Variants in TTC21B observed in about 807,000 individuals in gnomAD.
TTC21B encodes tetratricopeptide repeat protein 21B.
In TTC21B, 127 loss-of-function variants were observed where a neutral mutation model predicts 175.1. That is an observed-to-expected ratio of 0.73 (90% CI 0.63 to 0.84). The LOEUF (loss-of-function observed/expected upper bound fraction) is 0.84, where lower values mean the gene tolerates loss of function less well. TTC21B is among the 40% of genes least tolerant of loss of function. The probability of loss-of-function intolerance (pLI) is 0.00; values close to 1 mark genes in which losing one functional copy is unlikely to be tolerated. For synonymous variants in TTC21B, 524 were observed against 524.5 expected, an observed-to-expected ratio of 1.00 and a Z score of 0.01; for missense variants, 1,561 against 1,558.3, an observed-to-expected ratio of 1.00 and a Z score of -0.03.
intron 17 of TTC21B, among the ~76,000 whole-genome samples, chr2:165,912,001 C>T (rs971801864): frequency 2.6e-5 from 4 of 152,060 alleles, no homozygotes; most frequent in South Asian, 2.1e-4. Context: ...AGATAAAGAA[C>T]GGTACTTGGC....
Position 165,911,353 on chromosome 2 carries a change from A to G in TTC21B, c.2435T>C (p.Leu812Pro). 1 of 1,613,932 alleles carries G rather than the reference A, an allele frequency of 6.2e-7. No homozygotes were observed. The stretch of plus-strand genomic sequence containing the variant: ...AGGTTCATGAGCCAGAGCATGCTGA[A>G]GAACTTTTTCTGCTTTGTCATACCA... ...LKWYDKAEKV[L>P]QHALAHEPVN... Residue 812 changes from leucine to proline, a missense_variant, in exon 18 of 29, where the codon CTT becomes CCT. Coordinates refer to ENST00000243344, the MANE Select transcript of TTC21B (RefSeq NM_024753.5).
At chr2:165,905,988 C>A (rs1203707255) in intron 19 of TTC21B, among the ~76,000 whole-genome samples, 4 of 152,202 alleles carry the variant, frequency 2.6e-5, no homozygotes, top group Middle Eastern at 3.4e-3. Flanking sequence ...CAAAGTATGT[C>A]TTGGCACAGC....
chr2:165,886,722 TA>T (rs1685009241), intron 25 of TTC21B, among the ~76,000 whole-genome samples: 1 of 152,216 alleles, frequency 6.6e-6, no homozygotes, highest in Admixed American at 6.5e-5. Context: ...TTTTCTCTCT[TA>T]AACTTCACAG....
At position 165,918,574 on chromosome 2, in the gene TTC21B, C is replaced by T. The variant is rs561121419; in HGVS notation, c.1674+702G>A. ...CCTCCCAAAGTGCTGGGATTACAGG[C>T]GTGAGCCACCACGCCCGGCCTTCTG... is the stretch of plus-strand genomic sequence containing the variant. On this transcript the variant is annotated intron_variant, in intron 13 of 28. Transcript: ENST00000243344. 5.9e-5 allele frequency among the ~76,000 whole-genome samples: 9 copies of T among 152,214 alleles called. No individual in the cohort carries two copies. The East Asian group carries it at 9.7e-4, about 16-fold the overall frequency.
At chr2:165,875,481 T>C (rs1370135182) in intron 28 of TTC21B, among the ~76,000 whole-genome samples, 4 of 152,154 alleles carry the variant, frequency 2.6e-5, no homozygotes, top group Non-Finnish European at 5.9e-5. Flanking sequence ...TGGAGGTCCT[T>C]ACAATGTTTA....
At chr2:165,926,759 G>A (rs1040909155) in intron 11 of TTC21B, among the ~76,000 whole-genome samples, 1 of 151,600 alleles carries the variant, frequency 6.6e-6, no homozygotes, top group Non-Finnish European at 1.5e-5. Flanking sequence ...ATAAAGCAGG[G>A]AGAAAAATGT....
chr2:165,911,709 C>G (rs1339500321), intron 17 of TTC21B, among the ~76,000 whole-genome samples: 1 of 151,496 alleles, frequency 6.6e-6, no homozygotes, highest in African/African-American at 2.4e-5. Flanking sequence ...ATCACCCAGG[C>G]TGGAGTGCAG....
rs1686040312 is a variant in TTC21B at position 165,913,659 on chromosome 2, C to T, written c.2139-13G>A. On this transcript the variant is annotated splice_polypyrimidine_tract_variant and intron_variant, in intron 15 of 28. Coordinates refer to ENST00000243344, the MANE Select transcript of TTC21B (RefSeq NM_024753.5). ...TTCAGCAATTTCTCTGGAAATCAGA[C>T]CAACATTACTTAGCATATTGAACAC... The T allele has an allele frequency of 1.9e-6, 3 of 1,602,826 alleles. No homozygotes were observed. The highest frequency in any genetic ancestry group is 1.7e-5 in the Admixed American group (1 of 59,960).
chr2:165,874,529 T>C lies in TTC21B; in HGVS notation c.*226A>G, dbSNP rs1037532837. The C allele has an allele frequency of 8.0e-6, 4 of 498,828 alleles. No individual in the cohort carries two copies. Among genetic ancestry groups the C allele is most frequent in the African/African-American group, 1.9e-5 (1 of 51,860 alleles). The allele number at this position is 498,828 out of a possible 1,614,324, so 30.9% of individuals were successfully genotyped here. ...CTTTACCACAGAGTCACCAAATCTG[T>C]ACCCAATCAAAACAGAGTCAAATAG... On this transcript the variant is annotated 3_prime_UTR_variant, in exon 29 of 29. Coordinates refer to ENST00000243344, the MANE Select transcript of TTC21B (RefSeq NM_024753.5).
rs368598012 is a variant in TTC21B, at chr2:165,905,460, T to C, written c.2568+2218A>G. ...ATTGAAAGTAAAAGAATGCAGGAGA[T>C]ATACCATGCAAGTACTAAAAGGAAA... is the stretch of plus-strand genomic sequence containing the variant. On this transcript the variant is annotated intron_variant, in intron 19 of 28. Transcript: ENST00000243344. 4.6e-5 allele frequency among the ~76,000 whole-genome samples: 7 copies of C among 152,102 alleles called. No homozygotes were observed. In the South Asian group the frequency reaches 6.2e-4, roughly 14 times the overall value.
rs1182410208 is a variant in TTC21B, at chr2:165,906,973, A to G, written c.2568+705T>C. ...TCCGTCTCAAAAAAAAAAAAAAAAA[A>G]AAAAGAAAAAAAGAATTAGCATCAA... is the stretch of plus-strand genomic sequence containing the variant. On this transcript the variant is annotated intron_variant, in intron 19 of 28. Transcript: ENST00000243344. Among the ~76,000 whole-genome samples, 26 of 151,040 alleles carry G rather than the reference A, an allele frequency of 1.7e-4. No individual in the cohort carries two copies. In the South Asian group the frequency reaches 2.5e-3, roughly 15 times the overall value.
intron 22 of TTC21B, among the ~76,000 whole-genome samples, chr2:165,897,451 C>T (rs1399533701): frequency 6.6e-6 from 1 of 152,040 alleles, no homozygotes; most frequent in Admixed American, 6.6e-5. Flanking sequence ...GAGGTCTGGG[C>T]CGGCACAACA....
chr2:165,917,256 C>G lies in TTC21B; in HGVS notation c.1899+1G>C. 6.2e-7 allele frequency: 1 copy of G among 1,613,604 alleles called. No homozygotes were observed. Among genetic ancestry groups the G allele is most frequent in the South Asian group, 1.1e-5 (1 of 91,062 alleles). ...AGCCCTTAAATTAAAACTTGACCTA[C>G]CTGCTCTCCATTTAAGCGGTGAACG... On this transcript the variant is annotated splice_donor_variant, in intron 14 of 28. Transcript: ENST00000243344. LOFTEE classifies it high-confidence loss of function.
At position 165,949,366 on chromosome 2, in the gene TTC21B, T is replaced by A. The variant is rs778751496; in HGVS notation, c.262+28A>T. The A allele has an allele frequency of 3.3e-6, 5 of 1,499,926 alleles. No homozygotes were observed. The East Asian group carries it at 1.1e-4, about 34-fold the overall frequency. 92.9% of individuals were successfully genotyped at this position (1,499,926 alleles called of 1,614,324 possible). A position where few individuals can be genotyped will look rare whatever the true frequency, so the allele number is the denominator to read the frequency against. On this transcript the variant is annotated intron_variant, in intron 3 of 28. Transcript: ENST00000243344. Reference sequence around the variant, plus strand: ...AAAATAAACTGAATAGGAAAAAATGTCCTAAGCATTGCATTTAAATATCAT... The same window carrying A: ...AAAATAAACTGAATAGGAAAAAATGACCTAAGCATTGCATTTAAATATCAT...
At chr2:165,915,486 A>T (rs769784346) in intron 14 of TTC21B, 47 bp from the exon 15 acceptor site, 15 of 1,371,886 alleles carry the variant, frequency 1.1e-5, no homozygotes, top group Middle Eastern at 1.8e-4. Flanking sequence ...ATAGTGAACA[A>T]ATAACACTAG....
intron 28 of TTC21B, 54 bp from the exon 29 acceptor site, chr2:165,874,886 C>T (rs936661934): frequency 1.7e-5 from 25 of 1,485,938 alleles, no homozygotes; most frequent in African/African-American, 6.9e-5. Context: ...TCAAAAACTA[C>T]GGAGTTACAA....
At position 165,898,702 on chromosome 2, in the gene TTC21B, A is replaced by C. The variant is rs1685453144; in HGVS notation, c.2934T>G (p.Leu978=). 2 of 1,611,630 alleles carry C rather than the reference A, an allele frequency of 1.2e-6. No individual in the cohort carries two copies. Among genetic ancestry groups the C allele is most frequent in the East Asian group, 4.5e-5 (2 of 44,846 alleles). Residue 978 remains leucine (L), a synonymous_variant, in exon 22 of 29, where the codon CTT becomes CTG. Coordinates refer to ENST00000243344, the MANE Select transcript of TTC21B (RefSeq NM_024753.5). The part of the protein sequence containing the change: ...YEQAVFHLQQ[L]LERKPDNYMT... ...GGTATTTACCTGGCTTACGTTCTAA[A>C]AGCTGCTGTAAATGAAACACTGCTT...
intron 1 of TTC21B, among the ~76,000 whole-genome samples, chr2:165,952,113 T>C (rs1242456400): frequency 2.6e-5 from 4 of 152,116 alleles, no homozygotes; most frequent in Admixed American, 2.6e-4. Flanking sequence ...GCAGTGGTGA[T>C]GAAGATGACT....
At position 165,901,736 on chromosome 2, in the gene TTC21B, C is replaced by T. The variant is rs748527082; in HGVS notation, c.2743G>A (p.Glu915Lys). ...KFYREALVHC[E>K]TDNKIMLELA... ...AAGGTACTGACCTTATTATCTGTTT[C>T]GCAGTGAACCAGAGCCTCTCTATAA... The change falls in exon 20 of 29, where the codon GAA (glutamate) becomes AAA (lysine). Residue 915 changes from glutamate to lysine, a missense_variant. Physicochemically the swap from Glu to Lys is moderately conservative, Grantham distance 56. Coordinates refer to ENST00000243344, the MANE Select transcript of TTC21B (RefSeq NM_024753.5). 1.4e-5 allele frequency: 23 copies of T among 1,613,834 alleles called. No individual in the cohort carries two copies. The highest frequency in any genetic ancestry group is 1.6e-4 in the Middle Eastern group (1 of 6,084).
Sources: gnomAD v4.1 joint callset for allele counts (sites outside exome capture counted in the v4.1 genomes callset) on GRCh38, gnomAD v4.1.1 for gene constraint, MANE v1.5 for transcripts, NCBI Gene and HGNC (gene_info 2026-07-23, HGNC 2026-07-21) for gene names.